RAB6A: variants seen among roughly 807,000 people sequenced by gnomAD.
RAB6A encodes ras-related protein Rab-6A.
RAB6A carries 8 observed loss-of-function variants against 32.3 expected under a neutral mutation model. That is an observed-to-expected ratio of 0.25 (90% CI 0.15 to 0.45). The LOEUF (loss-of-function observed/expected upper bound fraction) is 0.45. Ranked by LOEUF, RAB6A falls within the 20% of genes least tolerant of loss-of-function variation. RAB6A has a pLI of 1.00. For missense variants in RAB6A, 104 were observed against 249.4 expected (o/e 0.42, Z 3.93); for synonymous variants, 73 against 82.1 (o/e 0.89, Z 0.60).
intron 6 of RAB6A, among the ~76,000 whole-genome samples, chr11:73,698,361 G>A (rs1275063151): frequency 6.6e-6 from 1 of 152,174 alleles, no homozygotes; most frequent in Non-Finnish European, 1.5e-5. Flanking sequence ...AAATAGACCT[G>A]GGCTCACATT....
chr11:73,726,300 A>C (rs1946218537), intron 2 of RAB6A, among the ~76,000 whole-genome samples: 2 of 149,108 alleles, frequency 1.3e-5, no homozygotes, highest in Non-Finnish European at 3.0e-5. Context: ...AAAAAAAAAA[A>C]GCCCAGGCAC....
At chr11:73,722,058 T>TATATATATATATATATATATATATATA (rs1270436615) in intron 2 of RAB6A, among the ~76,000 whole-genome samples, 1 of 147,670 alleles carries the variant, frequency 6.8e-6, no homozygotes, top group Non-Finnish European at 1.5e-5. Context: ...TCTGCCATGA[T>TATATATATATATATATATATATATATA]TGTAAGTTTC....
At chr11:73,744,791 A>T (rs1368621257) in intron 1 of RAB6A, among the ~76,000 whole-genome samples, 4 of 152,072 alleles carry the variant, frequency 2.6e-5, no homozygotes, top group African/African-American at 9.7e-5. Flanking sequence ...CCTGGCCAAC[A>T]TGGTGAAACC....
chr11:73,723,902 C>T (rs1029226557), intron 2 of RAB6A, among the ~76,000 whole-genome samples: 3 of 152,106 alleles, frequency 2.0e-5, no homozygotes, highest in African/African-American at 4.8e-5. Context: ...ACCACTCCTA[C>T]CCACATATCT....
chr11:73,692,248 T>C (rs1945578265), intron 6 of RAB6A, among the ~76,000 whole-genome samples: 1 of 151,978 alleles, frequency 6.6e-6, no homozygotes. Context: ...CTCACGCCTG[T>C]AATCCCAGCA....
At chr11:73,728,439 AATGT>A (rs1388992419) in intron 2 of RAB6A, among the ~76,000 whole-genome samples, 1 of 151,912 alleles carries the variant, frequency 6.6e-6, no homozygotes, top group African/African-American at 2.4e-5. Flanking sequence ...TTATTCAAAT[AATGT>A]ATTATGTTTA....
At chr11:73,760,219 A>C in intron 1 of RAB6A, 1 of 818,418 alleles carries the variant, frequency 1.2e-6, no homozygotes, top group Non-Finnish European at 1.8e-6. Flanking sequence ...GGTGGGGCTC[A>C]AGAAAGGGGG....
intron 1 of RAB6A, 56 bp downstream of exon 1, chr11:73,760,510 G>T: frequency 6.5e-7 from 1 of 1,538,724 alleles, no homozygotes; most frequent in South Asian, 1.2e-5. Context: ...GCCGCACCGG[G>T]GGCGGTGCGG....
intron 1 of RAB6A, among the ~76,000 whole-genome samples, chr11:73,751,993 T>C (rs938313914): frequency 3.3e-5 from 5 of 151,712 alleles, no homozygotes; most frequent in South Asian, 2.1e-4. Flanking sequence ...TAGAAGCAAA[T>C]AGCCAAGAAA....
chr11:73,722,328 TATATATATA>T (rs1565364907), intron 2 of RAB6A: 9 of 10,742 alleles, frequency 8.4e-4, no homozygotes, highest in African/African-American at 2.4e-3. Context: ...TATATATATA[TATATATATA>T]TATATATTTT....
At chr11:73,700,497 T>C (rs971732915) in intron 6 of RAB6A, among the ~76,000 whole-genome samples, 17 of 150,448 alleles carry the variant, frequency 1.1e-4, no homozygotes, top group African/African-American at 3.9e-4. Context: ...GGCAGGAGGA[T>C]TGCTTGAGCC....
At chr11:73,678,641 G>C (rs1411853688) in intron 7 of RAB6A, among the ~76,000 whole-genome samples, 2 of 151,462 alleles carry the variant, frequency 1.3e-5, no homozygotes, top group Admixed American at 6.6e-5. Context: ...GTGGGCGCGG[G>C]GACATACTTC....
chr11:73,710,908 C>T (rs536281399), intron 5 of RAB6A, among the ~76,000 whole-genome samples: 1 of 152,016 alleles, frequency 6.6e-6, no homozygotes, highest in Non-Finnish European at 1.5e-5. Flanking sequence ...ATGCCTAGCC[C>T]ATTTTCTTTA....
At chr11:73,726,782 TAA>T (rs914417113) in intron 2 of RAB6A, among the ~76,000 whole-genome samples, 1 of 150,782 alleles carries the variant, frequency 6.6e-6, no homozygotes, top group Non-Finnish European at 1.5e-5. Context: ...AAATTATTTT[TAA>T]AAAATGAAAA....
At chr11:73,756,934 A>C (rs189085132) in intron 1 of RAB6A, among the ~76,000 whole-genome samples, 1 of 151,170 alleles carries the variant, frequency 6.6e-6, no homozygotes, top group Admixed American at 6.6e-5. Flanking sequence ...TCGGACTCCT[A>C]AAGTGCTGGG....
At chr11:73,697,548 T>C (rs1945673727) in intron 6 of RAB6A, among the ~76,000 whole-genome samples, 1 of 152,158 alleles carries the variant, frequency 6.6e-6, no homozygotes, top group South Asian at 2.1e-4. Flanking sequence ...GGTTTCACTA[T>C]GTTGGCCAGG....
intron 1 of RAB6A, among the ~76,000 whole-genome samples, chr11:73,756,725 G>A (rs890765870): frequency 3.9e-5 from 6 of 152,204 alleles, no homozygotes; most frequent in East Asian, 1.9e-4. Flanking sequence ...GGCCCAGGCT[G>A]GAGTGCAGTG....
intron 1 of RAB6A, among the ~76,000 whole-genome samples, chr11:73,757,611 A>AT (rs1946781625): frequency 6.6e-6 from 1 of 152,192 alleles, no homozygotes; most frequent in Admixed American, 6.5e-5. Context: ...AGGAAGACGA[A>AT]TTTTGCTCAA....
intron 7 of RAB6A, 36 bp from the exon 8 acceptor site, chr11:73,677,998 T>C: frequency 2.5e-6 from 4 of 1,604,778 alleles, no homozygotes; most frequent in Non-Finnish European, 3.4e-6. Flanking sequence ...AATGGGAAAG[T>C]ACAATTTCAA....
Sources: gnomAD v4.1 joint callset for allele counts (sites outside exome capture counted in the v4.1 genomes callset) on GRCh38, gnomAD v4.1.1 for gene constraint, MANE v1.5 for transcripts, NCBI Gene and HGNC (gene_info 2026-07-23, HGNC 2026-07-21) for gene names.